Variants in DCC observed in about 807,000 individuals in gnomAD.
The protein encoded by DCC is DCC netrin 1 receptor.
Under a neutral mutation model 172.5 loss-of-function variants are expected in DCC, and 58 were observed. That is an observed-to-expected ratio of 0.34 (90% CI 0.27 to 0.42). The LOEUF (loss-of-function observed/expected upper bound fraction) is 0.42. DCC is among the 10% of genes least tolerant of loss of function. DCC has a pLI of 1.00. For synonymous variants in DCC, 709 were observed against 644.5 expected (o/e 1.10, Z -1.52); for missense variants, 1,740 against 1,791.0 (o/e 0.97, Z 0.51).
chr18:52,877,842 A>C (rs1429525032), intron 2 of DCC, among the ~76,000 whole-genome samples: 1 of 152,074 alleles, frequency 6.6e-6, no homozygotes, highest in African/African-American at 2.4e-5. Context: ...ATTTTGTCAT[A>C]TTTTATCTAC....
chr18:52,956,137 A>T (rs2040738100), intron 5 of DCC, among the ~76,000 whole-genome samples: 1 of 152,040 alleles, frequency 6.6e-6, no homozygotes, highest in Non-Finnish European at 1.5e-5. Context: ...AAAATCAAAA[A>T]AACCTAAGTC....
At chr18:53,157,214 C>T (rs187210124) in intron 7 of DCC, 142 bp from the exon 8 acceptor site, 14 of 952,316 alleles carry the variant, frequency 1.5e-5, no homozygotes, top group Non-Finnish European at 2.2e-5. Context: ...TTACTGTGTG[C>T]ATTCCCTTGG....
At chr18:52,942,617 A>G (rs933064840) in intron 5 of DCC, among the ~76,000 whole-genome samples, 2 of 152,204 alleles carry the variant, frequency 1.3e-5, no homozygotes, top group Non-Finnish European at 2.9e-5. Context: ...AGAAAGAGAG[A>G]TGCAAAAGCA....
chr18:53,166,825 C>T (rs934566358), intron 8 of DCC, among the ~76,000 whole-genome samples: 1 of 152,114 alleles, frequency 6.6e-6, no homozygotes, highest in Non-Finnish European at 1.5e-5. Context: ...GGCAGTGAAA[C>T]ATCTTGAAAC....
At chr18:52,647,269 T>C (rs1168523028) in intron 1 of DCC, among the ~76,000 whole-genome samples, 1 of 152,224 alleles carries the variant, frequency 6.6e-6, no homozygotes, top group Non-Finnish European at 1.5e-5. Context: ...TTTAGGCTTA[T>C]AGCTCTCAGC....
chr18:53,439,848 TC>T (rs1459177530), intron 22 of DCC, among the ~76,000 whole-genome samples: 1 of 144,568 alleles, frequency 6.9e-6, no homozygotes, highest in Non-Finnish European at 1.5e-5. Flanking sequence ...CACTGCAAGC[TC>T]CGCCTCCCGG....
At chr18:52,839,967 C>G (rs1430093139) in intron 2 of DCC, among the ~76,000 whole-genome samples, 1 of 152,324 alleles carries the variant, frequency 6.6e-6, no homozygotes, top group Non-Finnish European at 1.5e-5. Flanking sequence ...TGGATTGGCT[C>G]TAGCCCAGTG....
intron 12 of DCC, among the ~76,000 whole-genome samples, chr18:53,287,356 T>C (rs1013984812): frequency 5.3e-5 from 8 of 152,220 alleles, no homozygotes; most frequent in African/African-American, 1.9e-4. Flanking sequence ...TGTATGGATA[T>C]ACTACATTTT....
At chr18:52,981,361 C>G (rs1405073604) in intron 5 of DCC, among the ~76,000 whole-genome samples, 3 of 152,044 alleles carry the variant, frequency 2.0e-5, no homozygotes, top group Non-Finnish European at 4.4e-5. Flanking sequence ...TAAATTGCCT[C>G]TCTCTGAGCC....
At chr18:52,969,390 A>AGT (rs1307206125) in intron 5 of DCC, among the ~76,000 whole-genome samples, 1 of 152,156 alleles carries the variant, frequency 6.6e-6, no homozygotes, top group African/African-American at 2.4e-5. Context: ...AAATTACCGA[A>AGT]GTAGAAACCT....
At chr18:53,352,846 T>C (rs377487551) in intron 15 of DCC, among the ~76,000 whole-genome samples, 1 of 152,138 alleles carries the variant, frequency 6.6e-6, no homozygotes. Flanking sequence ...AGTTTCTGCA[T>C]TTTTATTTAA....
chr18:53,170,814 CT>C (rs764749379), intron 8 of DCC, among the ~76,000 whole-genome samples: 14 of 152,174 alleles, frequency 9.2e-5, no homozygotes, highest in African/African-American at 2.7e-4. Flanking sequence ...AACAGCCCCC[CT>C]GACTTACCTC....
At chr18:52,979,696 T>G (rs1008334208) in intron 5 of DCC, among the ~76,000 whole-genome samples, 3 of 152,228 alleles carry the variant, frequency 2.0e-5, no homozygotes, top group Non-Finnish European at 1.5e-5. Context: ...TGATTTGCCA[T>G]TCACTGCTAC....
chr18:53,307,856 G>T (rs2057217768), intron 13 of DCC, among the ~76,000 whole-genome samples: 1 of 139,974 alleles, frequency 7.1e-6, no homozygotes, highest in African/African-American at 2.7e-5. Context: ...TTGTGGGACA[G>T]AAAATGTCCA....
Position 53,443,628 on chromosome 18 carries a change from A to G in DCC, c.3230-6872A>G, listed in dbSNP as rs544149134. On this transcript the variant is annotated intron_variant, in intron 22 of 28. Transcript: ENST00000442544. ...AAGATATTTCATAGATATGTCTTCC[A>G]GCTGCCATAAAGTGTGATTTCCTCT... 4.3e-4 allele frequency among the ~76,000 whole-genome samples: 65 copies of G among 152,352 alleles called. No homozygotes were observed. The South Asian group carries it at 0.012, about 28-fold the overall frequency.
chr18:52,889,779 A>G lies in DCC; in HGVS notation c.413-16265A>G, dbSNP rs189969959. 1.2e-3 allele frequency among the ~76,000 whole-genome samples: 185 copies of G among 152,272 alleles called. 1 individual carries two copies. The highest frequency in any genetic ancestry group is 4.2e-3 in the African/African-American group (175 of 41,586). On this transcript the variant is annotated intron_variant, in intron 2 of 28. Transcript: ENST00000442544. ...TTCATAAATTGAGGTCATCACCAAA[A>G]TATTCTGCAATGAAAAGGACCAGTC...
At chr18:52,523,188 T>G (rs1194974390) in intron 1 of DCC, among the ~76,000 whole-genome samples, 1 of 152,152 alleles carries the variant, frequency 6.6e-6, no homozygotes, top group Non-Finnish European at 1.5e-5. Flanking sequence ...AGATTCTACA[T>G]GATTGCATCT....
chr18:53,511,165 G>C (rs540587675), intron 27 of DCC, among the ~76,000 whole-genome samples: 1 of 152,154 alleles, frequency 6.6e-6, no homozygotes, highest in African/African-American at 2.4e-5. Context: ...GTGGGACAAA[G>C]GTTACCTGTT....
intron 1 of DCC, among the ~76,000 whole-genome samples, chr18:52,544,775 G>A (rs1459872248): frequency 6.6e-6 from 1 of 152,104 alleles, no homozygotes; most frequent in African/African-American, 2.4e-5. Context: ...TATCTATTCT[G>A]TCTTTTAAAA....
Sources: allele counts gnomAD v4.1 joint callset (sites outside exome capture counted in the v4.1 genomes callset), GRCh38; gene constraint gnomAD v4.1.1; transcripts MANE v1.5; gene names NCBI Gene and HGNC (gene_info 2026-07-23, HGNC 2026-07-21).